PKIG: variants seen among roughly 807,000 people sequenced by gnomAD.
PKIG encodes protein kinase (cAMP-dependent, catalytic) inhibitor gamma.
A neutral mutation model predicts 6.8 loss-of-function variants in PKIG; 1 was observed. The observed-to-expected ratio is 0.15, with a 90% CI of 0.05 to 0.69. PKIG has a LOEUF of 0.69. Among genes scored for constraint, PKIG ranks in the 30% least tolerant of loss-of-function variants. PKIG has a pLI of 0.82. For synonymous variants in PKIG, 39 were observed against 43.0 expected (o/e 0.91, Z 0.36); for missense variants, 77 against 104.0 (o/e 0.74, Z 1.13).
chr20:44,573,872 A>T (rs1437721561), intron 1 of PKIG, among the ~76,000 whole-genome samples: 1 of 152,222 alleles, frequency 6.6e-6, no homozygotes, highest in Non-Finnish European at 1.5e-5. Flanking sequence ...GGAAGTATTC[A>T]GTTTATAGAT....
At chr20:44,605,697 T>G (rs1232522118) in intron 2 of PKIG, among the ~76,000 whole-genome samples, 1 of 151,916 alleles carries the variant, frequency 6.6e-6, no homozygotes, top group Non-Finnish European at 1.5e-5. Context: ...GAGTATCACT[T>G]GAGCCCAGGA....
chr20:44,569,202 G>A (rs2064834311), intron 1 of PKIG, among the ~76,000 whole-genome samples: 1 of 152,122 alleles, frequency 6.6e-6, no homozygotes, highest in Non-Finnish European at 1.5e-5. Flanking sequence ...GCAACACTGA[G>A]AAATATCATT....
At chr20:44,576,729 AG>A (rs754026833) in intron 1 of PKIG, among the ~76,000 whole-genome samples, 1 of 152,172 alleles carries the variant, frequency 6.6e-6, no homozygotes, top group Non-Finnish European at 1.5e-5. Flanking sequence ...TTTAAAGTTA[AG>A]GTCACTGTTT....
chr20:44,540,558 G>T (rs928377858), intron 1 of PKIG, among the ~76,000 whole-genome samples: 1 of 150,592 alleles, frequency 6.6e-6, no homozygotes, highest in African/African-American at 2.4e-5. Flanking sequence ...TGATGTTTTT[G>T]TTTTGTTTTT....
chr20:44,594,715 A>G (rs2065061280), intron 2 of PKIG, among the ~76,000 whole-genome samples: 1 of 152,134 alleles, frequency 6.6e-6, no homozygotes, highest in African/African-American at 2.4e-5. Context: ...GGGGGCAGAA[A>G]ATCCAGCCTT....
At chr20:44,616,338 T>G (rs2065264288) in intron 3 of PKIG, among the ~76,000 whole-genome samples, 1 of 152,190 alleles carries the variant, frequency 6.6e-6, no homozygotes, top group Non-Finnish European at 1.5e-5. Flanking sequence ...TCTTGTGCCC[T>G]CGGTGCCTGG....
At chr20:44,588,707 G>T (rs953637453) in intron 1 of PKIG, among the ~76,000 whole-genome samples, 2 of 152,018 alleles carry the variant, frequency 1.3e-5, no homozygotes, top group African/African-American at 4.8e-5. Flanking sequence ...AAAGAAGGGT[G>T]CTGGATTATT....
upstream of PKIG, among the ~76,000 whole-genome samples, chr20:44,578,089 C>G (rs1008518504): frequency 4.6e-5 from 7 of 151,890 alleles, no homozygotes; most frequent in African/African-American, 1.7e-4. Flanking sequence ...GCCTGTAATC[C>G]CAGCACTTTG....
intron 2 of PKIG, among the ~76,000 whole-genome samples, chr20:44,606,421 A>G (rs1274894129): frequency 6.6e-6 from 1 of 152,204 alleles, no homozygotes; most frequent in Non-Finnish European, 1.5e-5. Context: ...TTCCCTCCAA[A>G]ATACCAATGT....
intron 2 of PKIG, among the ~76,000 whole-genome samples, chr20:44,612,564 G>A (rs752276463): frequency 1.8e-4 from 27 of 152,118 alleles, no homozygotes; most frequent in Non-Finnish European, 3.5e-4. Context: ...TATCCCCTTC[G>A]CAAATTAACC....
chr20:44,534,939 A>G (rs1423915276), intron 1 of PKIG, among the ~76,000 whole-genome samples: 1 of 152,136 alleles, frequency 6.6e-6, no homozygotes, highest in African/African-American at 2.4e-5. Flanking sequence ...CTTAACCACT[A>G]CCTGGATGAT....
intron 2 of PKIG, among the ~76,000 whole-genome samples, chr20:44,601,964 G>A (rs1179039797): frequency 1.3e-5 from 2 of 152,290 alleles, no homozygotes; most frequent in African/African-American, 4.8e-5. Context: ...CGGGAGAAGT[G>A]GCTTCCTGTG....
Position 44,614,912 on chromosome 20 carries a change from AGGCATCCG to A in PKIG, c.151+208_151+215del. The stretch of plus-strand genomic sequence containing the variant: ...TCAGGCCCCAAGGACTCCTCTGGAC[AGGCATCCG>A]GGACTCTTCCTGTCCCCCTGCCCCC... On this transcript the variant is annotated intron_variant, in intron 3 of 3. Coordinates refer to ENST00000372886, the MANE Select transcript of PKIG (RefSeq NM_001281445.2). This position sits in a 1 kb window ranked among gnomAD's most constrained non-coding sequence, Gnocchi z 4.6. 1.7e-6 allele frequency: 1 copy of A among 581,160 alleles called. No individual in the cohort carries two copies. Among genetic ancestry groups the A allele is most frequent in the Non-Finnish European group, 3.0e-6 (1 of 329,544 alleles). 36.0% of individuals were successfully genotyped at this position (581,160 alleles called of 1,614,324 possible). A position where few individuals can be genotyped will look rare whatever the true frequency, so the allele number is the denominator to read the frequency against.
chr20:44,539,514 G>A (rs909988451), intron 1 of PKIG, among the ~76,000 whole-genome samples: 2 of 151,554 alleles, frequency 1.3e-5, no homozygotes, highest in African/African-American at 4.9e-5. Context: ...TGCCTCCCAT[G>A]TTCAAGCGAT....
At chr20:44,611,196 A>G (rs1197068825) in intron 2 of PKIG, among the ~76,000 whole-genome samples, 1 of 151,974 alleles carries the variant, frequency 6.6e-6, no homozygotes, top group Non-Finnish European at 1.5e-5. Context: ...CTGAGACTAC[A>G]GGCGTGTGCT....
At chr20:44,597,290 T>C (rs1277877605) in intron 2 of PKIG, among the ~76,000 whole-genome samples, 1 of 147,048 alleles carries the variant, frequency 6.8e-6, no homozygotes, top group Admixed American at 6.9e-5. Context: ...AGAATTACTA[T>C]GAGAAACTAT....
chr20:44,593,359 TAATC>T (rs2065049068), intron 2 of PKIG, among the ~76,000 whole-genome samples: 1 of 100,104 alleles, frequency 1.0e-5, no homozygotes, highest in Non-Finnish European at 1.9e-5. Flanking sequence ...AATGCTATAA[TAATC>T]AACACACACA....
At chr20:44,558,292 C>G (rs2064732595) in intron 1 of PKIG, among the ~76,000 whole-genome samples, 1 of 152,108 alleles carries the variant, frequency 6.6e-6, no homozygotes, top group Admixed American at 6.5e-5. Flanking sequence ...TCCTTTAACC[C>G]TTATAATAAT....
chr20:44,591,200 G>A (rs572005522), intron 2 of PKIG, among the ~76,000 whole-genome samples: 17 of 152,216 alleles, frequency 1.1e-4, no homozygotes, highest in Non-Finnish European at 1.6e-4. Flanking sequence ...GGGGGCTTGC[G>A]GAGCAGCACA....
Sources: allele counts gnomAD v4.1 joint callset (sites outside exome capture counted in the v4.1 genomes callset), GRCh38; gene constraint gnomAD v4.1.1; non-coding constraint Gnocchi (gnomAD v3.1); transcripts MANE v1.5; gene names NCBI Gene and HGNC (gene_info 2026-07-23, HGNC 2026-07-21).